Variants in PCDH7 observed in about 807,000 individuals in gnomAD.
PCDH7 encodes protocadherin 7.
In PCDH7, 17 loss-of-function variants were observed where a neutral mutation model predicts 58.9. That is an observed-to-expected ratio of 0.29 (90% CI 0.20 to 0.43). The LOEUF (loss-of-function observed/expected upper bound fraction) is 0.43, where lower values mean the gene tolerates loss of function less well. Ranked by LOEUF, PCDH7 falls within the 20% of genes least tolerant of loss-of-function variation. The probability of loss-of-function intolerance (pLI) is 1.00; values close to 1 mark genes in which losing one functional copy is unlikely to be tolerated. For synonymous variants in PCDH7, 664 were observed against 616.4 expected (o/e 1.08, Z -1.14); for missense variants, 1,274 against 1,441.0 (o/e 0.88, Z 1.88).
intron 1 of PCDH7, among the ~76,000 whole-genome samples, chr4:30,795,020 C>T (rs1724610349): frequency 6.6e-6 from 1 of 152,004 alleles, no homozygotes; most frequent in East Asian, 1.9e-4. Flanking sequence ...CTTGGATTTT[C>T]TATGAAAATA....
chr4:30,861,095 G>A (rs993684095), intron 1 of PCDH7, among the ~76,000 whole-genome samples: 1 of 152,180 alleles, frequency 6.6e-6, no homozygotes, highest in African/African-American at 2.4e-5. Context: ...GAGCATGTGC[G>A]CAAGAGAGAA....
At chr4:31,000,839 G>C (rs1752306900) in intron 3 of PCDH7, among the ~76,000 whole-genome samples, 1 of 152,044 alleles carries the variant, frequency 6.6e-6, no homozygotes, top group Non-Finnish European at 1.5e-5. Flanking sequence ...CTAGTAAAAT[G>C]GTGACAAAAT....
At chr4:31,076,181 GAC>G (rs1758976354) in intron 3 of PCDH7, among the ~76,000 whole-genome samples, 1 of 152,132 alleles carries the variant, frequency 6.6e-6, no homozygotes, top group Admixed American at 6.5e-5. Flanking sequence ...TGTCTGTTCT[GAC>G]ACAGTAATGT....
chr4:30,956,420 C>T (rs996647191), intron 3 of PCDH7, among the ~76,000 whole-genome samples: 1 of 152,104 alleles, frequency 6.6e-6, no homozygotes, highest in African/African-American at 2.4e-5. Context: ...TAGTAAAGTG[C>T]TTTATATTAT....
At chr4:31,076,303 T>C (rs1758984842) in intron 3 of PCDH7, among the ~76,000 whole-genome samples, 1 of 152,204 alleles carries the variant, frequency 6.6e-6, no homozygotes. Context: ...GATACCATCC[T>C]TTATCAAAAG....
chr4:30,794,581 T>C (rs886260609), intron 1 of PCDH7, among the ~76,000 whole-genome samples: 5 of 152,008 alleles, frequency 3.3e-5, no homozygotes, highest in Admixed American at 1.3e-4. Flanking sequence ...ATTTCATTGT[T>C]ATGCAAAACC....
chr4:30,992,272 C>T (rs984638270), intron 3 of PCDH7, among the ~76,000 whole-genome samples: 7 of 152,118 alleles, frequency 4.6e-5, no homozygotes, highest in African/African-American at 1.4e-4. Context: ...TCTAAGGAAA[C>T]TTTTATTCTT....
chr4:30,877,545 C>T (rs1429047223), intron 1 of PCDH7, among the ~76,000 whole-genome samples: 1 of 152,166 alleles, frequency 6.6e-6, no homozygotes, highest in East Asian at 1.9e-4. Context: ...GGCCCATGGT[C>T]TAGACAGATC....
At chr4:30,812,766 T>C (rs1560396048) in intron 1 of PCDH7, among the ~76,000 whole-genome samples, 1 of 152,208 alleles carries the variant, frequency 6.6e-6, no homozygotes, top group Non-Finnish European at 1.5e-5. Flanking sequence ...ATCTAATTTA[T>C]TTTGAGTGAA....
chr4:30,851,008 G>A (rs1732662049), intron 1 of PCDH7, among the ~76,000 whole-genome samples: 1 of 151,988 alleles, frequency 6.6e-6, no homozygotes, highest in Non-Finnish European at 1.5e-5. Flanking sequence ...AGGAAGCCAA[G>A]CGATTGTTCT....
chr4:31,056,869 C>A (rs1757302221), intron 3 of PCDH7, among the ~76,000 whole-genome samples: 1 of 152,128 alleles, frequency 6.6e-6, no homozygotes, highest in African/African-American at 2.4e-5. Context: ...CATGAGCCAC[C>A]ACACCCAGCC....
intron 3 of PCDH7, among the ~76,000 whole-genome samples, chr4:31,033,190 T>A (rs1271981753): frequency 6.9e-6 from 1 of 144,494 alleles, no homozygotes; most frequent in Non-Finnish European, 1.5e-5. Flanking sequence ...AATAGAAATG[T>A]ACGTTTGTTA....
intron 1 of PCDH7, among the ~76,000 whole-genome samples, chr4:30,812,757 T>A (rs1727186851): frequency 6.6e-6 from 1 of 152,218 alleles, no homozygotes; most frequent in Admixed American, 6.5e-5. Context: ...ACATTATTCA[T>A]CTAATTTATT....
At chr4:30,971,047 T>C (rs1417058463) in intron 3 of PCDH7, among the ~76,000 whole-genome samples, 1 of 152,230 alleles carries the variant, frequency 6.6e-6, no homozygotes, top group African/African-American at 2.4e-5. Context: ...CAGAATCATC[T>C]ACTTTTTTAA....
At chr4:30,783,711 C>A (rs1407723456) in intron 1 of PCDH7, among the ~76,000 whole-genome samples, 1 of 152,120 alleles carries the variant, frequency 6.6e-6, no homozygotes, top group African/African-American at 2.4e-5. Flanking sequence ...CAATTCTCTG[C>A]ATAATTCAGT....
rs191292255 is a variant in PCDH7, at chr4:30,806,858, A to T, written c.70+82262A>T. ...ATGTTGATCACACACCTAAATCTGA[A>T]AACAATAAAAGAATCTATTGTAGAG... On this transcript the variant is annotated intron_variant, in intron 1 of 3. Transcript: ENST00000509759. Among the ~76,000 whole-genome samples, 13 of 152,140 alleles carry T rather than the reference A, an allele frequency of 8.5e-5. No homozygotes were observed. In the East Asian group the frequency reaches 2.5e-3, roughly 30 times the overall value.
chr4:31,114,753 A>G (rs10006845), intron 3 of PCDH7, among the ~76,000 whole-genome samples: 86,096 of 151,742 alleles, frequency 0.57, 27,713 homozygotes, highest in African/African-American at 0.87. Flanking sequence ...AGAGAGGTGA[A>G]CATATACAGC....
chr4:30,944,843 G>A (rs1211758226), intron 2 of PCDH7, among the ~76,000 whole-genome samples: 2 of 152,112 alleles, frequency 1.3e-5, no homozygotes, highest in Non-Finnish European at 2.9e-5. Flanking sequence ...TAGGTATCCA[G>A]GTAGGTTATT....
chr4:31,006,618 T>C (rs867417015), intron 3 of PCDH7, among the ~76,000 whole-genome samples: 39 of 151,966 alleles, frequency 2.6e-4, no homozygotes, highest in African/African-American at 8.7e-4. Flanking sequence ...CTAGGCCGGG[T>C]GTGGTGGCTC....
Sources: allele counts gnomAD v4.1 joint callset (sites outside exome capture counted in the v4.1 genomes callset), GRCh38; gene constraint gnomAD v4.1.1; transcripts MANE v1.5; gene names NCBI Gene and HGNC (gene_info 2026-07-23, HGNC 2026-07-21).